Variants in AOPEP observed in about 807,000 individuals in gnomAD.
AOPEP encodes aminopeptidase O.
AOPEP carries 77 observed loss-of-function variants against 98.1 expected under a neutral mutation model. The observed-to-expected ratio is 0.78, with a 90% CI of 0.65 to 0.95. AOPEP has a LOEUF of 0.95. Ranked by LOEUF, AOPEP falls within the 40% of genes least tolerant of loss-of-function variation. AOPEP has a pLI of 0.00. For synonymous variants in AOPEP, 346 were observed against 365.3 expected, an observed-to-expected ratio of 0.95 and a Z score of 0.60; for missense variants, 1,024 against 1,024.7, an observed-to-expected ratio of 1.00 and a Z score of 0.01.
chr9:94,771,432 C>G (rs998823023), intron 2 of AOPEP, among the ~76,000 whole-genome samples: 2 of 152,108 alleles, frequency 1.3e-5, no homozygotes, highest in Non-Finnish European at 2.9e-5. Flanking sequence ...TCTTTCCCTG[C>G]CCCATGTCAA....
chr9:95,055,460 A>G (rs746881616), intron 13 of AOPEP, among the ~76,000 whole-genome samples: 1 of 152,232 alleles, frequency 6.6e-6, no homozygotes, highest in African/African-American at 2.4e-5. Context: ...TATGCAGCGT[A>G]TAGATTTTCA....
intron 5 of AOPEP, among the ~76,000 whole-genome samples, chr9:94,831,621 T>C (rs963168822): frequency 6.6e-6 from 1 of 152,164 alleles, no homozygotes; most frequent in Admixed American, 6.5e-5. Flanking sequence ...GAAAACAGCA[T>C]TGAATCTATA....
chr9:94,868,406 G>A (rs2045947604), intron 5 of AOPEP, among the ~76,000 whole-genome samples: 1 of 152,180 alleles, frequency 6.6e-6, no homozygotes, highest in East Asian at 1.9e-4. Context: ...ATGTAACACG[G>A]CTACCTTGTA....
intron 1 of AOPEP, among the ~76,000 whole-genome samples, chr9:94,727,525 AAAC>A (rs1829476777): frequency 6.6e-6 from 1 of 152,346 alleles, no homozygotes; most frequent in Admixed American, 6.5e-5. Flanking sequence ...GATCGCAAAA[AAAC>A]AACAATAAGG....
intron 5 of AOPEP, among the ~76,000 whole-genome samples, chr9:94,811,291 G>C (rs572817078): frequency 6.6e-6 from 1 of 152,298 alleles, no homozygotes; most frequent in African/African-American, 2.4e-5. Flanking sequence ...CCACCTGGAA[G>C]ATATTATGTC....
intron 13 of AOPEP, among the ~76,000 whole-genome samples, chr9:95,051,089 C>CTTTTTTTT (rs34143867): frequency 1.5e-5 from 2 of 129,946 alleles, no homozygotes; most frequent in Non-Finnish European, 1.6e-5. Flanking sequence ...TTGTGGCTTA[C>CTTTTTTTT]TTTTTTTTTT....
At chr9:95,070,165 C>T (rs968534412) in intron 14 of AOPEP, among the ~76,000 whole-genome samples, 22 of 152,350 alleles carry the variant, frequency 1.4e-4, no homozygotes, top group South Asian at 4.1e-4. Flanking sequence ...GGGGCAGTCC[C>T]CCACTGGAAT....
At chr9:94,795,585 G>A (rs564093238) in intron 4 of AOPEP, among the ~76,000 whole-genome samples, 1 of 152,192 alleles carries the variant, frequency 6.6e-6, no homozygotes, top group African/African-American at 2.4e-5. Context: ...TGGAAGGCTA[G>A]GGGAAGGCAA....
chr9:94,970,930 T>C (rs2059498556), intron 10 of AOPEP, among the ~76,000 whole-genome samples: 1 of 152,206 alleles, frequency 6.6e-6, no homozygotes, highest in African/African-American at 2.4e-5. Flanking sequence ...TCTTAGACTG[T>C]TACCAAAGTC....
At chr9:94,841,169 AT>A (rs67614379) in intron 5 of AOPEP, among the ~76,000 whole-genome samples, 2,177 of 133,826 alleles carry the variant, frequency 0.016, 10 homozygotes, top group South Asian at 0.045. Flanking sequence ...GCTCCACACA[AT>A]TTTTTTTTTT....
intron 5 of AOPEP, among the ~76,000 whole-genome samples, chr9:94,804,330 G>T (rs1848797674): frequency 6.6e-6 from 1 of 152,176 alleles, no homozygotes; most frequent in African/African-American, 2.4e-5. Context: ...GCATAGTTAG[G>T]TTGGCAGAAC....
At chr9:94,926,033 TCA>T (rs2054266002) in intron 6 of AOPEP, among the ~76,000 whole-genome samples, 1 of 152,224 alleles carries the variant, frequency 6.6e-6, no homozygotes, top group African/African-American at 2.4e-5. Context: ...CGTGCCTCTA[TCA>T]CCATCTCTTC....
At chr9:95,132,624 C>CT in the AOPEP span, among the ~76,000 whole-genome samples, 21 of 152,162 alleles carry the variant, frequency 1.4e-4, no homozygotes, top group Non-Finnish European at 3.1e-4. Context: ...GTCCACCGCA[C>CT]GGAAGCCAAA....
chr9:94,864,989 A>G (rs1253906328), intron 5 of AOPEP, among the ~76,000 whole-genome samples: 1 of 152,192 alleles, frequency 6.6e-6, no homozygotes, highest in African/African-American at 2.4e-5. Context: ...TATTTTATAC[A>G]ATCTTCATTT....
intron 13 of AOPEP, among the ~76,000 whole-genome samples, chr9:95,052,738 C>A (rs1313576517): frequency 6.6e-6 from 1 of 152,018 alleles, no homozygotes; most frequent in African/African-American, 2.4e-5. Context: ...GGAAGAAATT[C>A]TGGGTTTGGA....
chr9:94,761,661 A>G (rs1218365005), intron 2 of AOPEP, among the ~76,000 whole-genome samples: 1 of 152,148 alleles, frequency 6.6e-6, no homozygotes, highest in African/African-American at 2.4e-5. Context: ...CTTGCCTCTA[A>G]TCTTACCTTC....
At chr9:95,053,003 G>A (rs2066515469) in intron 13 of AOPEP, among the ~76,000 whole-genome samples, 1 of 152,120 alleles carries the variant, frequency 6.6e-6, no homozygotes, top group South Asian at 2.1e-4. Context: ...CTTAGTGCTA[G>A]GAGGTCTTCC....
At chr9:95,107,018 C>T in the AOPEP span, 1 of 1,596,690 alleles carries the variant, frequency 6.3e-7, no homozygotes. Context: ...CCACCTCTCG[C>T]CTGGAGCAGA....
At chr9:95,049,453 T>C (rs2066146762) in intron 13 of AOPEP, among the ~76,000 whole-genome samples, 2 of 152,216 alleles carry the variant, frequency 1.3e-5, no homozygotes, top group Admixed American at 1.3e-4. Context: ...TTTCTGCAGA[T>C]AAATGGGAAT....
Sources: allele counts gnomAD v4.1 joint callset (sites outside exome capture counted in the v4.1 genomes callset), GRCh38; gene constraint gnomAD v4.1.1; transcripts MANE v1.5; gene names NCBI Gene and HGNC (gene_info 2026-07-23, HGNC 2026-07-21).